Variants in SLC16A2 observed in about 807,000 individuals in gnomAD.
SLC16A2 encodes solute carrier family 16 member 2, also known as monocarboxylate transporter 8.
A neutral mutation model predicts 27.2 loss-of-function variants in SLC16A2; 3 were observed. That is an observed-to-expected ratio of 0.11 (90% CI 0.05 to 0.28). The LOEUF is 0.28. SLC16A2 is among the 10% of genes least tolerant of loss of function. The pLI, the probability that SLC16A2 is intolerant of heterozygous loss-of-function variation, is 1.00. For synonymous variants in SLC16A2, 202 were observed against 187.8 expected, an observed-to-expected ratio of 1.08 and a Z score of -0.62; for missense variants, 295 against 458.5, an observed-to-expected ratio of 0.64 and a Z score of 3.26.
At chrX:74,530,090 CTTTTTT>C (rs748919451) in intron 5 of SLC16A2, among the ~76,000 whole-genome samples, 4 of 67,927 alleles carry the variant, frequency 5.9e-5, no homozygotes, top group Non-Finnish European at 6.2e-5. Context: ...TTTCTTTTCT[CTTTTTT>C]TTTTTTTTTT....
chrX:74,464,768 C>G (rs1267973372), intron 1 of SLC16A2, among the ~76,000 whole-genome samples: 1 of 111,354 alleles, frequency 9.0e-6, no homozygotes, highest in African/African-American at 3.3e-5. Flanking sequence ...GTAATCCCAG[C>G]ACTTTGGGAG....
chrX:74,505,272 T>C (rs1180690326), intron 1 of SLC16A2, among the ~76,000 whole-genome samples: 3 of 111,854 alleles, frequency 2.7e-5, no homozygotes, highest in African/African-American at 9.7e-5. Flanking sequence ...AAGCAGGTTG[T>C]TAACTAGCCA....
At chrX:74,430,581 A>C (rs1164972129) in intron 1 of SLC16A2, among the ~76,000 whole-genome samples, 1 of 112,301 alleles carries the variant, frequency 8.9e-6, no homozygotes, top group Non-Finnish European at 1.9e-5. Context: ...TCTCTTCAAA[A>C]TGCAAATCAA....
intron 1 of SLC16A2, among the ~76,000 whole-genome samples, chrX:74,492,174 G>A (rs1272654441): frequency 9.0e-6 from 1 of 111,559 alleles, no homozygotes; most frequent in African/African-American, 3.3e-5. Context: ...TCCCTACCCT[G>A]AGTCTTGCCC....
At chrX:74,505,204 G>A (rs895492672) in intron 1 of SLC16A2, among the ~76,000 whole-genome samples, 4 of 111,647 alleles carry the variant, frequency 3.6e-5, no homozygotes, top group African/African-American at 1.3e-4. Context: ...TAGTGACAGA[G>A]GTCCCAGCCT....
chrX:74,464,230 G>A (rs1008192207), intron 1 of SLC16A2, among the ~76,000 whole-genome samples: 1 of 112,189 alleles, frequency 8.9e-6, no homozygotes. Context: ...AAATAAAGCT[G>A]TTCTGAACAT....
At chrX:74,485,553 A>G (rs1279816532) in intron 1 of SLC16A2, among the ~76,000 whole-genome samples, 1 of 110,378 alleles carries the variant, frequency 9.1e-6, no homozygotes, top group African/African-American at 3.3e-5. Flanking sequence ...TGGGGCGGCC[A>G]CTCCCAAATG....
chrX:74,429,274 C>A (rs1928484237), intron 1 of SLC16A2, among the ~76,000 whole-genome samples: 1 of 111,302 alleles, frequency 9.0e-6, no homozygotes, highest in East Asian at 2.8e-4. Flanking sequence ...TTGAGGCCAG[C>A]CTGGGCAACA....
At chrX:74,432,602 T>C (rs1259533479) in intron 1 of SLC16A2, among the ~76,000 whole-genome samples, 1 of 111,959 alleles carries the variant, frequency 8.9e-6, no homozygotes, top group Non-Finnish European at 1.9e-5. Context: ...TTAAATGCCT[T>C]CTGATCTGGA....
intron 1 of SLC16A2, among the ~76,000 whole-genome samples, chrX:74,508,207 C>T (rs1157684496): frequency 9.0e-6 from 1 of 111,668 alleles, no homozygotes; most frequent in Admixed American, 9.5e-5. Context: ...ATGTTCTTTT[C>T]CTTTACACTT....
intron 1 of SLC16A2, among the ~76,000 whole-genome samples, chrX:74,424,702 T>A (rs962348060): frequency 9.0e-6 from 1 of 111,362 alleles, no homozygotes; most frequent in Admixed American, 9.6e-5. Context: ...TCTCTAAGAG[T>A]CTATGAATTT....
At chrX:74,481,302 C>T (rs188231185) in intron 1 of SLC16A2, among the ~76,000 whole-genome samples, 58 of 111,733 alleles carry the variant, frequency 5.2e-4, no homozygotes, top group African/African-American at 6.5e-4. Flanking sequence ...TCTAAATATT[C>T]GGTAAAATTC....
intron 1 of SLC16A2, among the ~76,000 whole-genome samples, chrX:74,500,614 C>T (rs1271735898): frequency 9.0e-6 from 1 of 111,389 alleles, no homozygotes; most frequent in Non-Finnish European, 1.9e-5. Context: ...GTATCCTTAT[C>T]GCTTAGCTCC....
intron 1 of SLC16A2, among the ~76,000 whole-genome samples, chrX:74,520,339 C>A (rs1451729342): frequency 8.9e-6 from 1 of 111,890 alleles, no homozygotes; most frequent in African/African-American, 3.2e-5. Flanking sequence ...CTTCTGAGGG[C>A]TGAGCAAAGG....
At chrX:74,469,368 G>GT (rs1909445776) in intron 1 of SLC16A2, among the ~76,000 whole-genome samples, 1 of 111,622 alleles carries the variant, frequency 9.0e-6, no homozygotes, top group Non-Finnish European at 1.9e-5. Flanking sequence ...TCATATGGTG[G>GT]TAACTTGATG....
intron 1 of SLC16A2, among the ~76,000 whole-genome samples, chrX:74,509,018 A>G (rs1930182377): frequency 9.0e-6 from 1 of 111,453 alleles, no homozygotes; most frequent in Non-Finnish European, 1.9e-5. Flanking sequence ...GCTGGAGTGC[A>G]GTGGTGCGAT....
chrX:74,423,126 C>T (rs1481827801), intron 1 of SLC16A2, among the ~76,000 whole-genome samples: 1 of 112,531 alleles, frequency 8.9e-6, no homozygotes, highest in Admixed American at 9.4e-5. Context: ...CCAGCAAAGC[C>T]GCTGGCGAAA....
chrX:74,444,506 C>T (rs887960535), intron 1 of SLC16A2, among the ~76,000 whole-genome samples: 4 of 112,151 alleles, frequency 3.6e-5, no homozygotes, highest in African/African-American at 6.5e-5. Flanking sequence ...AGCTTGGGTT[C>T]TACCACTATC....
intron 1 of SLC16A2, among the ~76,000 whole-genome samples, chrX:74,429,173 A>G (rs1928481817): frequency 9.0e-6 from 1 of 111,335 alleles, no homozygotes; most frequent in Non-Finnish European, 1.9e-5. Context: ...AAAGAAAGAA[A>G]AAGAAAAAAA....
Sources: allele counts gnomAD v4.1 joint callset (sites outside exome capture counted in the v4.1 genomes callset), GRCh38; gene constraint gnomAD v4.1.1; transcripts MANE v1.5; gene names NCBI Gene and HGNC (gene_info 2026-07-23, HGNC 2026-07-21).